The following BNC2 variants were observed in gnomAD, a reference collection of about 807,000 sequenced individuals.
BNC2 encodes the protein basonuclin zinc finger protein 2.
A neutral mutation model predicts 76.3 loss-of-function variants in BNC2; 20 were observed. That is an observed-to-expected ratio of 0.26 (90% CI 0.18 to 0.38). BNC2 has a LOEUF of 0.38. Among genes scored for constraint, BNC2 ranks in the 10% least tolerant of loss-of-function variants. The probability of loss-of-function intolerance (pLI) is 1.00; values close to 1 mark genes in which losing one functional copy is unlikely to be tolerated. For synonymous variants in BNC2, 582 were observed against 514.8 expected (o/e 1.13, Z -1.77); for missense variants, 1,382 against 1,399.8 (o/e 0.99, Z 0.20).
chr9:16,812,186 G>A (rs192911282), intron 1 of BNC2, among the ~76,000 whole-genome samples: 3 of 152,350 alleles, frequency 2.0e-5, no homozygotes, highest in Non-Finnish European at 2.9e-5. Context: ...GGTTTCTGAA[G>A]TGAAACCTGC....
intron 3 of BNC2, among the ~76,000 whole-genome samples, chr9:16,645,333 A>G (rs1242785858): frequency 1.3e-5 from 2 of 152,208 alleles, no homozygotes; most frequent in African/African-American, 4.8e-5. Flanking sequence ...CTTTATAAAA[A>G]ATTATTATTT....
At chr9:16,642,289 C>T (rs1384944555) in intron 3 of BNC2, among the ~76,000 whole-genome samples, 1 of 152,172 alleles carries the variant, frequency 6.6e-6, no homozygotes, top group Admixed American at 6.5e-5. Flanking sequence ...GTCTCAATAG[C>T]GTTCTGTTTT....
intron 1 of BNC2, among the ~76,000 whole-genome samples, chr9:16,809,741 G>A (rs1480883361): frequency 6.6e-6 from 1 of 151,974 alleles, no homozygotes; most frequent in Non-Finnish European, 1.5e-5. Flanking sequence ...GCACACCACT[G>A]CACTCCAGCC....
At chr9:16,649,850 C>T (rs1204912888) in intron 3 of BNC2, among the ~76,000 whole-genome samples, 3 of 152,134 alleles carry the variant, frequency 2.0e-5, no homozygotes, top group South Asian at 2.1e-4. Context: ...CAAGATCATT[C>T]GCTCAGTAGT....
chr9:16,780,016 C>T lies in BNC2; in HGVS notation c.4-41531G>A, dbSNP rs951662053. On this transcript the variant is annotated intron_variant, in intron 1 of 6. Coordinates refer to ENST00000380672, the MANE Select transcript of BNC2 (RefSeq NM_017637.6). ...CTTTGGGAGGCCGAGGCGGGCGGATCACAAGGTCAGCAGATCGAGACCATC... is the reference window on the plus strand; with the variant it reads ...CTTTGGGAGGCCGAGGCGGGCGGATTACAAGGTCAGCAGATCGAGACCATC... 3.1e-4 allele frequency among the ~76,000 whole-genome samples: 47 copies of T among 150,890 alleles called. 1 individual carries two copies. Among genetic ancestry groups the T allele is most frequent in the Admixed American group, 1.8e-3 (27 of 15,150 alleles).
At chr9:16,832,284 G>C (rs1818593996) in intron 1 of BNC2, 1 of 1,283,620 alleles carries the variant, frequency 7.8e-7, no homozygotes, top group South Asian at 1.3e-5. Flanking sequence ...GACGTCATCA[G>C]TCATGTGTCA....
rs1353817616 is a variant in BNC2, at chr9:16,854,198, T to TA, written c.3+16447dup. 2.6e-5 allele frequency among the ~76,000 whole-genome samples: 4 copies of TA among 152,202 alleles called. No homozygotes were observed. In the South Asian group the frequency reaches 8.3e-4, roughly 32 times the overall value. ...TTAAAAGGAAGGAAAGATTGAAAGG[T>TA]AAAAAAATGACACTAATTGGGAAGC... is the stretch of plus-strand genomic sequence containing the variant. On this transcript the variant is annotated intron_variant, in intron 1 of 6. Transcript: ENST00000380672.
At chr9:16,616,299 G>A (rs1265200213) in intron 3 of BNC2, among the ~76,000 whole-genome samples, 3 of 152,120 alleles carry the variant, frequency 2.0e-5, no homozygotes, top group Non-Finnish European at 4.4e-5. Flanking sequence ...GGCTGAGGCA[G>A]CAGGATTGCT....
chr9:16,655,429 A>G (rs1821903528), intron 3 of BNC2, among the ~76,000 whole-genome samples: 1 of 152,062 alleles, frequency 6.6e-6, no homozygotes, highest in Admixed American at 6.6e-5. Flanking sequence ...TCAGGTAACT[A>G]TCTTGGAAAT....
At chr9:16,869,953 A>G (rs1479935475) in intron 1 of BNC2, among the ~76,000 whole-genome samples, 1 of 152,208 alleles carries the variant, frequency 6.6e-6, no homozygotes, top group Non-Finnish European at 1.5e-5. Flanking sequence ...ACGTGCAAGT[A>G]AAACAAATCG....
chr9:16,497,911 T>C (rs1822423803), intron 5 of BNC2, among the ~76,000 whole-genome samples: 1 of 151,042 alleles, frequency 6.6e-6, no homozygotes, highest in Non-Finnish European at 1.5e-5. Flanking sequence ...AGCAGCACAA[T>C]TCACAACTGC....
chr9:16,515,449 C>A (rs748409553), intron 5 of BNC2, among the ~76,000 whole-genome samples: 37 of 152,180 alleles, frequency 2.4e-4, no homozygotes, highest in Non-Finnish European at 3.1e-4. Context: ...CACCCGGCAC[C>A]AAAGCCTCCC....
At chr9:16,671,798 G>C (rs1266082331) in intron 3 of BNC2, among the ~76,000 whole-genome samples, 1 of 152,118 alleles carries the variant, frequency 6.6e-6, no homozygotes, top group Non-Finnish European at 1.5e-5. Context: ...ACACTGGTTT[G>C]ACAAGTACTG....
chr9:16,547,586 T>C (rs1421445673), intron 5 of BNC2, among the ~76,000 whole-genome samples: 1 of 152,062 alleles, frequency 6.6e-6, no homozygotes, highest in Non-Finnish European at 1.5e-5. Flanking sequence ...GGAAACAGAG[T>C]CCTAAGATAT....
At chr9:16,637,736 GGA>G (rs1424432671) in intron 3 of BNC2, among the ~76,000 whole-genome samples, 4 of 152,178 alleles carry the variant, frequency 2.6e-5, no homozygotes, top group South Asian at 2.1e-4. Context: ...ACCTGGGTGA[GGA>G]GAGTGCCCCA....
chr9:16,796,991 G>T (rs1439052551), intron 1 of BNC2, among the ~76,000 whole-genome samples: 1 of 152,156 alleles, frequency 6.6e-6, no homozygotes, highest in Non-Finnish European at 1.5e-5. Context: ...GGTAGCTTTT[G>T]TTAAGGTAGC....
intron 3 of BNC2, among the ~76,000 whole-genome samples, chr9:16,655,328 T>C (rs2133987379): frequency 6.6e-6 from 1 of 152,280 alleles, no homozygotes; most frequent in South Asian, 2.1e-4. Context: ...CAGTGCTTAT[T>C]GCTAAATCCT....
chr9:16,587,983 C>G (rs1819819443), intron 3 of BNC2, among the ~76,000 whole-genome samples: 1 of 152,032 alleles, frequency 6.6e-6, no homozygotes, highest in South Asian at 2.1e-4. Context: ...TTTGTTTTCC[C>G]CTCTAGAATT....
intron 3 of BNC2, among the ~76,000 whole-genome samples, chr9:16,661,188 C>T (rs1587286115): frequency 6.6e-6 from 1 of 152,126 alleles, no homozygotes; most frequent in Non-Finnish European, 1.5e-5. Context: ...TGAGCCCTTA[C>T]CTCATTCCTG....
Sources: gnomAD v4.1 joint callset for allele counts (sites outside exome capture counted in the v4.1 genomes callset) on GRCh38, gnomAD v4.1.1 for gene constraint, MANE v1.5 for transcripts, NCBI Gene and HGNC (gene_info 2026-07-23, HGNC 2026-07-21) for gene names.